CCSER1: variants seen among roughly 807,000 people sequenced by gnomAD.
The protein encoded by CCSER1 is coiled-coil serine rich protein 1.
Under a neutral mutation model 82.0 loss-of-function variants are expected in CCSER1, and 41 were observed. That is an observed-to-expected ratio of 0.50 (90% CI 0.39 to 0.65). The LOEUF (loss-of-function observed/expected upper bound fraction) is 0.65. Ranked by LOEUF, CCSER1 falls within the 30% of genes least tolerant of loss-of-function variation. CCSER1 has a pLI of 0.00. For missense variants in CCSER1, 1,119 were observed against 1,064.2 expected (o/e 1.05, Z -0.72); for synonymous variants, 414 against 383.9 (o/e 1.08, Z -0.92).
At chr4:90,728,217 A>G (rs1683021653) in intron 7 of CCSER1, among the ~76,000 whole-genome samples, 1 of 152,152 alleles carries the variant, frequency 6.6e-6, no homozygotes, top group Admixed American at 6.5e-5. Flanking sequence ...ACAGTGTGGC[A>G]TTTGGTTCTT....
intron 3 of CCSER1, among the ~76,000 whole-genome samples, chr4:90,394,900 A>G (rs1751742815): frequency 6.6e-6 from 1 of 152,250 alleles, no homozygotes; most frequent in African/African-American, 2.4e-5. Context: ...GATAAATAAC[A>G]TAGCCATCAC....
chr4:90,450,133 C>G (rs1761247353), intron 4 of CCSER1, among the ~76,000 whole-genome samples: 1 of 152,214 alleles, frequency 6.6e-6, no homozygotes, highest in African/African-American at 2.4e-5. Flanking sequence ...AGTCACATCT[C>G]TCTCAGAGGC....
intron 10 of CCSER1, among the ~76,000 whole-genome samples, chr4:91,130,438 A>G (rs1034940460): frequency 1.3e-5 from 2 of 151,844 alleles, no homozygotes; most frequent in African/African-American, 4.8e-5. Flanking sequence ...TTACCTGACC[A>G]GGTCCTTCTC....
chr4:90,154,173 A>G (rs982207386), intron 1 of CCSER1, among the ~76,000 whole-genome samples: 15 of 152,304 alleles, frequency 9.8e-5, no homozygotes, highest in Non-Finnish European at 1.6e-4. Context: ...GGTTTGTCAA[A>G]GATCAGATAG....
At chr4:90,133,569 C>T (rs1171833997) in intron 1 of CCSER1, among the ~76,000 whole-genome samples, 1 of 152,132 alleles carries the variant, frequency 6.6e-6, no homozygotes, top group Non-Finnish European at 1.5e-5. Flanking sequence ...AATTTTGGAC[C>T]ATAGCTCTAC....
chr4:90,266,932 G>A (rs1443955507), intron 1 of CCSER1, among the ~76,000 whole-genome samples: 1 of 151,668 alleles, frequency 6.6e-6, no homozygotes, highest in Non-Finnish European at 1.5e-5. Context: ...TATAAGGAGA[G>A]GCCTCTTCTG....
At chr4:91,072,541 AG>A (rs1409047234) in intron 9 of CCSER1, among the ~76,000 whole-genome samples, 3 of 152,126 alleles carry the variant, frequency 2.0e-5, no homozygotes, top group African/African-American at 7.2e-5. Context: ...CTCATTTAAT[AG>A]GTTACTCAAT....
intron 9 of CCSER1, among the ~76,000 whole-genome samples, chr4:91,058,311 T>A (rs1194715997): frequency 1.3e-5 from 2 of 152,010 alleles, no homozygotes; most frequent in African/African-American, 4.8e-5. Context: ...TATGCAGCTT[T>A]AAAAAACAAC....
chr4:91,376,253 T>A (rs1750404879), intron 10 of CCSER1, among the ~76,000 whole-genome samples: 1 of 152,152 alleles, frequency 6.6e-6, no homozygotes, highest in Non-Finnish European at 1.5e-5. Flanking sequence ...GATTGCATCA[T>A]TGTACAAGCA....
intron 10 of CCSER1, among the ~76,000 whole-genome samples, chr4:91,257,417 T>C (rs1718782116): frequency 2.0e-5 from 3 of 151,964 alleles, no homozygotes; most frequent in Admixed American, 2.0e-4. Flanking sequence ...ATTCATGGTT[T>C]GACTTGCGTA....
chr4:90,359,863 G>T (rs1432484309), intron 3 of CCSER1, among the ~76,000 whole-genome samples: 1 of 146,726 alleles, frequency 6.8e-6, no homozygotes, highest in Non-Finnish European at 1.5e-5. Context: ...GTATATATAT[G>T]TGTATATATA....
chr4:90,303,921 C>A (rs1473751091), intron 1 of CCSER1, among the ~76,000 whole-genome samples: 1 of 151,938 alleles, frequency 6.6e-6, no homozygotes, highest in Non-Finnish European at 1.5e-5. Flanking sequence ...GGGCTAATAT[C>A]CAGAATCTAC....
rs188095758 is a variant in CCSER1 at position 91,277,319 on chromosome 4, G to A, written c.2217+191325G>A. Among the ~76,000 whole-genome samples the A allele has an allele frequency of 4.1e-3, 617 of 151,896 alleles. 2 individuals are homozygous for A. Among genetic ancestry groups the A allele is most frequent in the African/African-American group, 0.014 (572 of 41,476 alleles). ...TATTCAATTCTGGACTTCTTTTGGC[G>A]GGGCTTGGCGGAGACTTTTTATTAC... On this transcript the variant is annotated intron_variant, in intron 10 of 10. Transcript: ENST00000509176.
At chr4:91,030,963 C>T (rs181005075) in intron 9 of CCSER1, among the ~76,000 whole-genome samples, 1 of 152,168 alleles carries the variant, frequency 6.6e-6, no homozygotes, top group African/African-American at 2.4e-5. Context: ...GTCACACCTT[C>T]TGTCTTCAGA....
chr4:91,457,918 T>G (rs1035587179), intron 10 of CCSER1, among the ~76,000 whole-genome samples: 1 of 152,162 alleles, frequency 6.6e-6, no homozygotes, highest in Non-Finnish European at 1.5e-5. Flanking sequence ...GATACAAGTG[T>G]ATGATATATG....
Position 90,529,062 on chromosome 4 carries a change from G to A in CCSER1, c.1724+60708G>A, listed in dbSNP as rs918960884. Among the ~76,000 whole-genome samples, 5 of 151,686 alleles carry A rather than the reference G, an allele frequency of 3.3e-5. No homozygotes were observed. The South Asian group carries it at 1.0e-3, about 31-fold the overall frequency. On this transcript the variant is annotated intron_variant, in intron 5 of 10. Coordinates refer to ENST00000509176, the MANE Select transcript of CCSER1 (RefSeq NM_001145065.2). ...TTCTTGCTGACTAAATTTATATTTG[G>A]TAAGTATTTTGTATAAGTCACTCTC...
rs9884522 is a variant in CCSER1 at position 90,366,671 on chromosome 4, G to T, written c.1510-33365G>T. On this transcript the variant is annotated intron_variant, in intron 3 of 10. Transcript: ENST00000509176. ...ACCTCCAGCCTCTGTAACCCATTGTGTATTTTAAACACAACATTTGAGGTA... is the reference window on the plus strand; with the variant it reads ...ACCTCCAGCCTCTGTAACCCATTGTTTATTTTAAACACAACATTTGAGGTA... Among the ~76,000 whole-genome samples, 1,213 of 151,858 alleles carry T rather than the reference G, an allele frequency of 8.0e-3. 16 individuals are homozygous for T. Among genetic ancestry groups the T allele is most frequent in the African/African-American group, 0.028 (1,168 of 41,502 alleles).
chr4:91,237,170 C>A (rs530241205), intron 10 of CCSER1, among the ~76,000 whole-genome samples: 1 of 151,830 alleles, frequency 6.6e-6, no homozygotes, highest in Admixed American at 6.6e-5. Context: ...TATTATATGT[C>A]CATTCTTTCT....
intron 10 of CCSER1, among the ~76,000 whole-genome samples, chr4:91,376,521 T>C (rs1278520139): frequency 6.6e-6 from 1 of 152,164 alleles, no homozygotes; most frequent in African/African-American, 2.4e-5. Context: ...TGGCACATGA[T>C]TGTACATAAA....
Sources: gnomAD v4.1 joint callset for allele counts (sites outside exome capture counted in the v4.1 genomes callset) on GRCh38, gnomAD v4.1.1 for gene constraint, MANE v1.5 for transcripts, NCBI Gene and HGNC (gene_info 2026-07-23, HGNC 2026-07-21) for gene names.